BDH2: variants seen among roughly 807,000 people sequenced by gnomAD.
BDH2 encodes 3-hydroxybutyrate dehydrogenase 2, also known as dehydrogenase/reductase SDR family member 6.
In BDH2, 24 loss-of-function variants were observed where a neutral mutation model predicts 33.2. That is an observed-to-expected ratio of 0.72 (90% CI 0.52 to 1.02). The LOEUF (loss-of-function observed/expected upper bound fraction) is 1.02, where lower values mean the gene tolerates loss of function less well. Ranked by LOEUF, BDH2 falls within the 50% of genes least tolerant of loss-of-function variation. The pLI is 0.00. For synonymous variants in BDH2, 81 were observed against 101.6 expected, an observed-to-expected ratio of 0.80 and a Z score of 1.22; for missense variants, 249 against 301.6, an observed-to-expected ratio of 0.83 and a Z score of 1.29.
intron 7 of BDH2, 23 bp downstream of exon 7, chr4:103,085,326 C>A (rs773985286): frequency 2.5e-6 from 4 of 1,576,300 alleles, no homozygotes; most frequent in Non-Finnish European, 3.5e-6. Context: ...ACTTTGCTTA[C>A]AAAACAGGTG....
At chr4:103,095,303 T>C in intron 2 of BDH2, 22 bp from the exon 3 acceptor site, 3 of 1,585,254 alleles carry the variant, frequency 1.9e-6, no homozygotes, top group Non-Finnish European at 1.7e-6. Flanking sequence ...AAAGTACAAA[T>C]AAATCCTTTG....
chr4:103,091,651 A>C, intron 4 of BDH2: 1 of 451,154 alleles, frequency 2.2e-6, no homozygotes, highest in South Asian at 1.6e-5. Flanking sequence ...AGGCTGAGGC[A>C]AGAGGACCAC....
At chr4:103,096,096 G>T in intron 2 of BDH2, 87 bp downstream of exon 2, 1 of 927,620 alleles carries the variant, frequency 1.1e-6, no homozygotes, top group Non-Finnish European at 1.6e-6. Context: ...AAGCAGAGCA[G>T]AAGTAAACAA....
At chr4:103,098,870 T>C (rs950809257) in intron 1 of BDH2, 1 of 152,264 alleles carries the variant, frequency 6.6e-6, no homozygotes, top group African/African-American at 2.4e-5. Flanking sequence ...ACTAACACAA[T>C]TATGTAAGAA....
In BDH2 at chr4:103,093,332, G is replaced by C. The variant is rs184990028; in HGVS notation, c.152-636C>G. ...TTAGAAATGACTCTGTTAGTCAAGGGTATCCAGTCAAATACATGTATTTCT... is the reference window on the plus strand; with the variant it reads ...TTAGAAATGACTCTGTTAGTCAAGGCTATCCAGTCAAATACATGTATTTCT... On this transcript the variant is annotated intron_variant, in intron 3 of 9. Transcript: ENST00000296424. 4.0e-3 allele frequency among the ~76,000 whole-genome samples: 612 copies of C among 151,862 alleles called. 2 individuals carry two copies. The highest frequency in any genetic ancestry group is 0.012 in the African/African-American group (490 of 41,446).
rs1748217824 is a variant in BDH2, at chr4:103,093,640, TA to T, written c.152-945del. 2.0e-5 allele frequency among the ~76,000 whole-genome samples: 3 copies of T among 147,708 alleles called. No individual in the cohort carries two copies. The South Asian group carries it at 6.3e-4, about 31-fold the overall frequency. The stretch of plus-strand genomic sequence containing the variant: ...CATATAATATATAATAATATATGAA[TA>T]ATACATATAATATATAGTAATATAA... On this transcript the variant is annotated intron_variant, in intron 3 of 9. Transcript: ENST00000296424.
chr4:103,092,730 A>G lies in BDH2; in HGVS notation c.152-34T>C, dbSNP rs374787603. 5.6e-5 allele frequency: 82 copies of G among 1,471,628 alleles called. No individual in the cohort carries two copies. In the African/African-American group the frequency reaches 1.1e-3, roughly 19 times the overall value. 91.2% of individuals were successfully genotyped at this position (1,471,628 alleles called of 1,614,324 possible). On this transcript the variant is annotated intron_variant, in intron 3 of 9. Coordinates refer to ENST00000296424, the MANE Select transcript of BDH2 (RefSeq NM_020139.4). ...TAAAACAAGAGGCACTATTCCTAAA[A>G]ATGTTTAGCCTTGAAGGTTTAGCTG...
rs148470137 is a variant in BDH2 at position 103,091,220 on chromosome 4, T to C, written c.314A>G (p.Asn105Ser). Residue 105 changes from asparagine (N) to serine (S), a missense_variant, in exon 5 of 10, where the codon AAT (asparagine) becomes AGT (serine). Physicochemically the swap from Asn to Ser is conservative, Grantham distance 46 (BLOSUM62 1). Transcript: ENST00000296424. The part of the protein sequence containing the change: ...EKDWDFSMNL[N>S]VRSMYLMIKA... ...GATCATCAGGTACATGCTGCGCACA[T>C]TGAGATTCATCGAGAAGTCCCAGTC... 11 of 1,613,228 alleles carry C rather than the reference T, an allele frequency of 6.8e-6. No homozygotes were observed. The highest frequency in any genetic ancestry group is 1.1e-5 in the South Asian group (1 of 91,058).
chr4:103,089,267 C>T (rs1048704161), intron 5 of BDH2, among the ~76,000 whole-genome samples: 1 of 152,178 alleles, frequency 6.6e-6, no homozygotes, highest in African/African-American at 2.4e-5. Context: ...CTATCATCCT[C>T]ATTTTTTAGC....
chr4:103,082,820 G>A (rs1227412277), intron 8 of BDH2, 51 bp downstream of exon 8: 3 of 1,463,038 alleles, frequency 2.1e-6, no homozygotes, highest in Non-Finnish European at 2.9e-6. Context: ...AGGTATGGAA[G>A]AGGGCATTTA....
In BDH2 at chr4:103,084,553, A is replaced by G. The variant is rs150864314; in HGVS notation, c.532+796T>C. On this transcript the variant is annotated intron_variant, in intron 7 of 9. Coordinates refer to ENST00000296424, the MANE Select transcript of BDH2 (RefSeq NM_020139.4). ...ACCACATTTTCCAAATCATTTTACCACTTATTCCACTGGGTAAATGGCACC... is the reference window on the plus strand; with the variant it reads ...ACCACATTTTCCAAATCATTTTACCGCTTATTCCACTGGGTAAATGGCACC... Among the ~76,000 whole-genome samples, 67 of 152,276 alleles carry G rather than the reference A, an allele frequency of 4.4e-4. No individual in the cohort carries two copies. In the East Asian group the frequency reaches 0.012, roughly 28 times the overall value.
intron 9 of BDH2, 66 bp downstream of exon 9, chr4:103,082,015 T>C: frequency 7.7e-7 from 1 of 1,301,026 alleles, no homozygotes; most frequent in African/African-American, 1.5e-5. Context: ...TGATATTATT[T>C]TGATGAGCAA....
chr4:103,086,298 C>T (rs779517521), intron 6 of BDH2, 182 bp downstream of exon 6: 120 of 1,324,804 alleles, frequency 9.1e-5, no homozygotes, highest in Non-Finnish European at 1.1e-4. Context: ...AATTTTACCA[C>T]TGGCTCACAT....
chr4:103,092,781 G>GT, intron 3 of BDH2, 85 bp from the exon 4 acceptor site: 4 of 930,114 alleles, frequency 4.3e-6, no homozygotes, highest in Non-Finnish European at 6.9e-6. Context: ...TGTGAAGATT[G>GT]CAACATCTAT....
rs60495707 is a variant in BDH2 at position 103,082,916 on chromosome 4, C to T, written c.546G>A (p.Thr182=). 1.9e-3 allele frequency: 3,056 copies of T among 1,612,536 alleles called. 12 individuals carry two copies. The highest frequency in any genetic ancestry group is 0.013 in the African/African-American group (983 of 74,976). The change falls in exon 8 of 10, where the codon ACG becomes ACA. Residue 182 remains threonine (T), a synonymous_variant. Transcript: ENST00000296424. ...CNCVCPGTVD[T]PSLQERIQAR... is the part of the protein sequence containing the mutation. ...CTTGTATTCTTTCTTGTAGAGATGGCGTATCAACTGTTCCTAAATCAAAGG... is the reference window on the plus strand; with the variant it reads ...CTTGTATTCTTTCTTGTAGAGATGGTGTATCAACTGTTCCTAAATCAAAGG...
Position 103,091,246 on chromosome 4 carries a change from T to C in BDH2, c.288A>G (p.Lys96=). 1.2e-6 allele frequency: 2 copies of C among 1,613,596 alleles called. No individual in the cohort carries two copies. The highest frequency in any genetic ancestry group is 1.7e-6 in the Non-Finnish European group (2 of 1,179,706). Residue 96 remains lysine (K), a synonymous_variant, in exon 5 of 10, where the codon AAA becomes AAG. Transcript: ENST00000296424. The part of the protein sequence containing the change: ...HHGTVLDCEE[K]DWDFSMNLNV... ...TGAGATTCATCGAGAAGTCCCAGTCTTTCTCCTCACAATCCAGGACAGTTC... is the reference window on the plus strand; with the variant it reads ...TGAGATTCATCGAGAAGTCCCAGTCCTTCTCCTCACAATCCAGGACAGTTC...
chr4:103,084,268 C>T (rs1189674950), intron 7 of BDH2, among the ~76,000 whole-genome samples: 1 of 152,144 alleles, frequency 6.6e-6, no homozygotes, highest in East Asian at 1.9e-4. Flanking sequence ...TAAATAAGAA[C>T]TGTAGAGCAA....
chr4:103,085,771 A>T, intron 6 of BDH2: 1 of 1,333,210 alleles, frequency 7.5e-7, no homozygotes. Flanking sequence ...GAAAATGAAG[A>T]TTAATAACAA....
intron 6 of BDH2, chr4:103,085,861 A>G: frequency 8.1e-7 from 1 of 1,230,418 alleles, no homozygotes; most frequent in South Asian, 1.4e-5. Context: ...ATCCTTGCAA[A>G]GAGAAGAAAT....
Sources: allele counts gnomAD v4.1 joint callset (sites outside exome capture counted in the v4.1 genomes callset), GRCh38; gene constraint gnomAD v4.1.1; transcripts MANE v1.5; gene names NCBI Gene and HGNC (gene_info 2026-07-23, HGNC 2026-07-21).